PARD3B: variants seen among roughly 807,000 people sequenced by gnomAD.
PARD3B encodes the protein partitioning defective 3 homolog B.
A neutral mutation model predicts 130.2 loss-of-function variants in PARD3B; 103 were observed. That is an observed-to-expected ratio of 0.79 (90% CI 0.67 to 0.93). The LOEUF is 0.93. PARD3B is among the 40% of genes least tolerant of loss of function. PARD3B has a pLI of 0.00. For synonymous variants in PARD3B, 583 were observed against 553.2 expected (o/e 1.05, Z -0.76); for missense variants, 1,609 against 1,499.2 (o/e 1.07, Z -1.21).
intron 3 of PARD3B, among the ~76,000 whole-genome samples, chr2:205,043,306 T>C (rs1450049194): frequency 6.6e-6 from 1 of 152,132 alleles, no homozygotes; most frequent in Admixed American, 6.6e-5. Context: ...TATTACCTAC[T>C]TTTTTGGGGG....
At chr2:205,092,850 C>G (rs1441399471) in intron 4 of PARD3B, among the ~76,000 whole-genome samples, 1 of 152,010 alleles carries the variant, frequency 6.6e-6, no homozygotes, top group East Asian at 1.9e-4. Flanking sequence ...GATTGTGGAA[C>G]TTAGTTGATT....
At chr2:205,137,298 GA>G (rs2125662233) in intron 10 of PARD3B, among the ~76,000 whole-genome samples, 1 of 152,146 alleles carries the variant, frequency 6.6e-6, no homozygotes, top group East Asian at 1.9e-4. Context: ...AGCAAGAAGA[GA>G]AAAAAGTTCC....
chr2:205,573,926 G>A (rs997613413), intron 22 of PARD3B, among the ~76,000 whole-genome samples: 2 of 152,090 alleles, frequency 1.3e-5, no homozygotes, highest in Non-Finnish European at 1.5e-5. Flanking sequence ...GGAGTGAAAC[G>A]TGCCAACAAA....
chr2:204,844,031 G>A (rs1281912598), intron 2 of PARD3B, among the ~76,000 whole-genome samples: 2 of 152,212 alleles, frequency 1.3e-5, no homozygotes, highest in African/African-American at 2.4e-5. Context: ...GATGGATTTA[G>A]CAAATTAACA....
chr2:204,891,185 T>C (rs2046431443), intron 2 of PARD3B, among the ~76,000 whole-genome samples: 1 of 146,968 alleles, frequency 6.8e-6, no homozygotes. Flanking sequence ...TAAGTCCTTT[T>C]CTTTTTTTTT....
At chr2:204,618,119 G>A (rs563674480) in intron 1 of PARD3B, among the ~76,000 whole-genome samples, 3 of 152,288 alleles carry the variant, frequency 2.0e-5, no homozygotes, top group East Asian at 1.9e-4. Context: ...TGGAGAGAAC[G>A]TTTTCTTGTT....
At chr2:205,513,876 T>TAACC (rs1445467567) in intron 21 of PARD3B, among the ~76,000 whole-genome samples, 7 of 152,132 alleles carry the variant, frequency 4.6e-5, no homozygotes, top group Non-Finnish European at 8.8e-5. Context: ...AAAGAGAGAC[T>TAACC]AACCAAGAAT....
At chr2:205,181,970 C>T (rs1449123513) in intron 13 of PARD3B, among the ~76,000 whole-genome samples, 1 of 152,150 alleles carries the variant, frequency 6.6e-6, no homozygotes, top group Non-Finnish European at 1.5e-5. Flanking sequence ...ATAAAAATTC[C>T]TTACAGCATC....
In PARD3B at chr2:205,468,015, A is replaced by G. The variant is rs556151695; in HGVS notation, c.3044+27343A>G. Among the ~76,000 whole-genome samples, 19 of 152,354 alleles carry G rather than the reference A, an allele frequency of 1.2e-4. No homozygotes were observed. The South Asian group carries it at 3.7e-3, about 30-fold the overall frequency. On this transcript the variant is annotated intron_variant, in intron 20 of 22. Coordinates refer to ENST00000406610, the MANE Select transcript of PARD3B (RefSeq NM_001302769.2). ...CCACATTAGGTGCCAGATGCTGCAC[A>G]GTAAGGTAACCTCCAAGTGGGCTGA...
chr2:205,072,271 G>A (rs560176832), intron 4 of PARD3B, among the ~76,000 whole-genome samples: 1 of 146,126 alleles, frequency 6.8e-6, no homozygotes, highest in Non-Finnish European at 1.5e-5. Context: ...TTGAGACAGA[G>A]TTTCATTCTT....
intron 2 of PARD3B, among the ~76,000 whole-genome samples, chr2:204,758,849 C>T (rs1169790310): frequency 6.6e-6 from 1 of 152,188 alleles, no homozygotes; most frequent in Non-Finnish European, 1.5e-5. Flanking sequence ...AATCATATTT[C>T]TCCCCTTAGA....
intron 15 of PARD3B, among the ~76,000 whole-genome samples, chr2:205,226,701 C>G (rs2038570640): frequency 2.0e-5 from 3 of 152,252 alleles, no homozygotes; most frequent in Non-Finnish European, 4.4e-5. Context: ...TTTCTCTGTT[C>G]TGTCCCATTA....
chr2:205,090,080 G>T (rs1407765688), intron 4 of PARD3B, among the ~76,000 whole-genome samples: 2 of 152,168 alleles, frequency 1.3e-5, no homozygotes, highest in South Asian at 4.1e-4. Flanking sequence ...GAAGAGAAGA[G>T]CAAGGTTTAC....
intron 21 of PARD3B, among the ~76,000 whole-genome samples, chr2:205,535,930 G>A (rs1286121813): frequency 6.6e-6 from 1 of 152,124 alleles, no homozygotes; most frequent in African/African-American, 2.4e-5. Flanking sequence ...CTCCTTTCTG[G>A]TTATAAACAT....
chr2:204,574,819 C>A (rs1574485093), intron 1 of PARD3B, among the ~76,000 whole-genome samples: 1 of 152,286 alleles, frequency 6.6e-6, no homozygotes, highest in Middle Eastern at 3.4e-3. Flanking sequence ...GGTATCTCTT[C>A]CCAGTAGCTA....
rs11359656 is a variant in PARD3B, at chr2:204,732,083, G to GT, written c.222+45814dup. Reference sequence around the variant, plus strand: ...TCTTTCCATGTAGAAAATAATTGTGGTTTTTTTTTTTTTGTATAAAAAAGT... The same window carrying GT: ...TCTTTCCATGTAGAAAATAATTGTGGTTTTTTTTTTTTTTGTATAAAAAAGT... On this transcript the variant is annotated intron_variant, in intron 2 of 22. Transcript: ENST00000406610. Among the ~76,000 whole-genome samples, 137 of 145,724 alleles carry GT rather than the reference G, an allele frequency of 9.4e-4. 1 individual carries two copies. The highest frequency in any genetic ancestry group is 2.0e-3 in the African/African-American group (80 of 39,912).
chr2:205,482,674 T>C (rs991397355), intron 20 of PARD3B: 2 of 152,076 alleles, frequency 1.3e-5, no homozygotes, highest in Non-Finnish European at 2.9e-5. Flanking sequence ...CTGATTTGCA[T>C]AGCAGCAGGA....
intron 2 of PARD3B, among the ~76,000 whole-genome samples, chr2:204,699,156 C>T (rs1009908949): frequency 2.0e-5 from 3 of 151,980 alleles, no homozygotes; most frequent in African/African-American, 7.2e-5. Context: ...TGACTCTTTA[C>T]CCAAGTTATA....
chr2:205,344,227 T>TG (rs2043662035), intron 18 of PARD3B, among the ~76,000 whole-genome samples: 1 of 148,862 alleles, frequency 6.7e-6, no homozygotes, highest in African/African-American at 2.5e-5. Flanking sequence ...TGTGTGTGTG[T>TG]TGTAACACAG....
Sources: gnomAD v4.1 joint callset for allele counts (sites outside exome capture counted in the v4.1 genomes callset) on GRCh38, gnomAD v4.1.1 for gene constraint, MANE v1.5 for transcripts, NCBI Gene and HGNC (gene_info 2026-07-23, HGNC 2026-07-21) for gene names.